Variants in SPTBN4 observed in about 807,000 individuals in gnomAD.
SPTBN4 encodes the protein spectrin beta chain, non-erythrocytic 4.
A neutral mutation model predicts 277.8 loss-of-function variants in SPTBN4; 96 were observed. The observed-to-expected ratio is 0.35, with a 90% confidence interval of 0.29 to 0.41. The LOEUF (loss-of-function observed/expected upper bound fraction) is 0.41, where lower values mean the gene tolerates loss of function less well. SPTBN4 is among the 10% of genes least tolerant of loss of function. The probability of loss-of-function intolerance (pLI) is 1.00; values close to 1 mark genes in which losing one functional copy is unlikely to be tolerated. For synonymous variants in SPTBN4, 1,481 were observed against 1,580.3 expected, an observed-to-expected ratio of 0.94 and a Z score of 1.49; for missense variants, 3,006 against 3,595.7, an observed-to-expected ratio of 0.84 and a Z score of 4.19.
chr19:40,508,979 A>G (rs1448050602), intron 13 of SPTBN4, among the ~76,000 whole-genome samples: 2 of 151,070 alleles, frequency 1.3e-5, no homozygotes, highest in Non-Finnish European at 2.9e-5. Flanking sequence ...CTCAGGCAAG[A>G]TTATGGAGCG....
In SPTBN4 at chr19:40,515,433, A is replaced by G; in HGVS notation, c.2888A>G (p.Asp963Gly). The G allele has an allele frequency of 6.4e-7, 1 of 1,564,580 alleles. No individual in the cohort carries two copies. Among genetic ancestry groups the G allele is most frequent in the Non-Finnish European group, 8.7e-7 (1 of 1,154,272 alleles). ...PSSDEVRSCQDHLNSRWNRIV... is the reference protein window; with the variant it reads ...PSSDEVRSCQGHLNSRWNRIV... Reference sequence around the variant, plus strand: ...TCAGATGAGGTGCGTTCCTGCCAGGACCACCTCAACAGCAGGTAGGAGGGC... The same window carrying G: ...TCAGATGAGGTGCGTTCCTGCCAGGGCCACCTCAACAGCAGGTAGGAGGGC... The change falls in exon 15 of 36, where the codon GAC (aspartate) becomes GGC (glycine). Residue 963 changes from aspartate to glycine, a missense_variant. Coordinates refer to ENST00000598249, the MANE Select transcript of SPTBN4 (RefSeq NM_020971.3). This position sits in a 1 kb window ranked among gnomAD's most constrained non-coding sequence, Gnocchi z 4.1.
rs1200342978 is a variant in SPTBN4 at position 40,512,811 on chromosome 19, T to TGCGGCGGGC, written c.2025_2033dup (p.Ala681_Gly683dup). On this transcript the variant is annotated inframe_insertion, in exon 14 of 36. Coordinates refer to ENST00000598249, the MANE Select transcript of SPTBN4 (RefSeq NM_020971.3). ...TCCTGGAGGCTGCGGGCGGCGGCGGTGCGGCGGGCGCAGCGGGCGCAGCGG... is the reference window on the plus strand; with the variant it reads ...TCCTGGAGGCTGCGGGCGGCGGCGGTGCGGCGGGCGCGGCGGGCGCAGCGGGCGCAGCGG... The TGCGGCGGGC allele has an allele frequency of 3.2e-5, 46 of 1,445,406 alleles. No homozygotes were observed. Among genetic ancestry groups the TGCGGCGGGC allele is most frequent in the East Asian group, 5.7e-5 (2 of 35,336 alleles). 89.5% of individuals were successfully genotyped at this position (1,445,406 alleles called of 1,614,324 possible). A position where few individuals can be genotyped will look rare whatever the true frequency, so the allele number is the denominator to read the frequency against.
chr19:40,503,738 A>G, intron 11 of SPTBN4, 92 bp from the exon 12 acceptor site: 1 of 1,328,482 alleles, frequency 7.5e-7, no homozygotes, highest in Non-Finnish European at 1.0e-6. Context: ...TCTCCAAGGT[A>G]ATGGAGTGGG....
intron 2 of SPTBN4, among the ~76,000 whole-genome samples, chr19:40,485,422 T>C (rs2080060362): frequency 6.6e-6 from 1 of 151,448 alleles, no homozygotes; most frequent in Non-Finnish European, 1.5e-5. Flanking sequence ...ATTACAGGTG[T>C]GAGCCACCAT....
intron 14 of SPTBN4, among the ~76,000 whole-genome samples, chr19:40,514,284 G>C (rs947723617): frequency 6.6e-6 from 1 of 152,230 alleles, no homozygotes; most frequent in African/African-American, 2.4e-5. Context: ...TGTGCCTGCA[G>C]TTGCCCAGTT....
In SPTBN4 at chr19:40,493,062, C is replaced by G. The variant is rs886895957; in HGVS notation, c.587+8C>G. On this transcript the variant is annotated splice_region_variant and intron_variant, in intron 5 of 35. Coordinates refer to ENST00000598249, the MANE Select transcript of SPTBN4 (RefSeq NM_020971.3). ...TCAGATGAAGACAGCTGGGTAAGCA[C>G]CCCCACCACCTTCCTTAGGAGGTTA... The G allele has an allele frequency of 1.2e-6, 2 of 1,613,712 alleles. No homozygotes were observed. The highest frequency in any genetic ancestry group is 1.7e-5 in the Admixed American group (1 of 60,002).
chr19:40,530,829 C>G (rs2080660304), intron 18 of SPTBN4: 1 of 151,762 alleles, frequency 6.6e-6, no homozygotes, highest in Non-Finnish European at 1.5e-5. Context: ...GGGAGCGAAG[C>G]GGGGGGACTT....
chr19:40,522,355 T>A (rs1211553624), intron 16 of SPTBN4, among the ~76,000 whole-genome samples: 1 of 146,136 alleles, frequency 6.8e-6, no homozygotes, highest in Non-Finnish European at 1.5e-5. Flanking sequence ...CCAATTTTTT[T>A]TTTTTTTTTT....
In SPTBN4 at chr19:40,472,705, G is replaced by T; in HGVS notation, c.84G>T (p.Pro28=). 1 of 1,613,040 alleles carries T rather than the reference G, an allele frequency of 6.2e-7. No individual in the cohort carries two copies. Among genetic ancestry groups the T allele is most frequent in the South Asian group, 1.1e-5 (1 of 90,866 alleles). The part of the protein sequence containing the change: ...NNNPAARWES[P]DRGWEREQPA... ...ACCCTGCTGCCCGCTGGGAGAGTCC[G>T]GATCGGGGCTGGGAGCGGGAGCAGC... The change falls in exon 2 of 36, where the codon CCG becomes CCT. Residue 28 remains proline (P), a synonymous_variant. Transcript: ENST00000598249.
At chr19:40,486,855 G>T (rs943487784) in intron 2 of SPTBN4, among the ~76,000 whole-genome samples, 7 of 152,190 alleles carry the variant, frequency 4.6e-5, no homozygotes, top group African/African-American at 1.7e-4. Context: ...CACAGAGTGT[G>T]CATTCGAATA....
At chr19:40,538,218 G>A (rs1476870182) in intron 20 of SPTBN4, among the ~76,000 whole-genome samples, 2 of 151,868 alleles carry the variant, frequency 1.3e-5, no homozygotes, top group Non-Finnish European at 2.9e-5. Flanking sequence ...GCAAAACCCC[G>A]TCTCTACTAA....
chr19:40,560,987 G>A lies in SPTBN4; in HGVS notation c.5915+584G>A, dbSNP rs907086039. 2.0e-5 allele frequency among the ~76,000 whole-genome samples: 3 copies of A among 152,090 alleles called. No homozygotes were observed. The highest frequency in any genetic ancestry group is 7.2e-5 in the African/African-American group (3 of 41,424). Reference sequence around the variant, plus strand: ...GGCACCCACACACTGCCAGCCCGGTGGCCTAACCTGTCTGCCAGGGAGGCT... The same window carrying A: ...GGCACCCACACACTGCCAGCCCGGTAGCCTAACCTGTCTGCCAGGGAGGCT... On this transcript the variant is annotated intron_variant, in intron 27 of 35. Transcript: ENST00000598249. This position sits in a 1 kb window ranked among gnomAD's most constrained non-coding sequence, Gnocchi z 5.2.
At chr19:40,556,864 G>T (rs1469142852) in intron 25 of SPTBN4, among the ~76,000 whole-genome samples, 159 bp from the exon 26 acceptor site, 3 of 152,092 alleles carry the variant, frequency 2.0e-5, no homozygotes. Context: ...GGAGGTGAAG[G>T]TTGCTGTAAG....
chr19:40,565,027 G>C (rs1327259931), intron 27 of SPTBN4, among the ~76,000 whole-genome samples: 2 of 152,046 alleles, frequency 1.3e-5, no homozygotes. Flanking sequence ...CACTTTGGGA[G>C]ACTGAGATGG....
Position 40,504,152 on chromosome 19 carries a change from G to GGGGGT in SPTBN4, c.1665+20_1665+21insGGGGT. On this transcript the variant is annotated intron_variant, in intron 12 of 35. Transcript: ENST00000598249. ...ATGCAGGTGCCGGCGGGGGGGCGGG[G>GGGGGT]ATGCGGGTGGAGTGCCAGGAGGGAG... 10 of 877,180 alleles carry GGGGGT rather than the reference G, an allele frequency of 1.1e-5. No homozygotes were observed. The highest frequency in any genetic ancestry group is 1.8e-5 in the Non-Finnish European group (10 of 566,466). 54.3% of individuals were successfully genotyped at this position (877,180 alleles called of 1,614,324 possible).
chr19:40,546,429 A>G (rs1451507749), intron 20 of SPTBN4, among the ~76,000 whole-genome samples: 1 of 151,986 alleles, frequency 6.6e-6, no homozygotes, highest in Admixed American at 6.6e-5. Flanking sequence ...CATTGAACAA[A>G]TCATAACTGG....
chr19:40,519,423 G>C lies in SPTBN4; in HGVS notation c.2926G>C (p.Val976Leu). Reference sequence around the variant, plus strand: ...CAGGTGGAACCGCATCGTGGAGCTAGTGGAACAGCGCAAAGAGGAAATGAG... The same window carrying C: ...CAGGTGGAACCGCATCGTGGAGCTACTGGAACAGCGCAAAGAGGAAATGAG... ...NSRWNRIVELVEQRKEEMSAV... is the reference protein window; with the variant it reads ...NSRWNRIVELLEQRKEEMSAV... Residue 976 changes from valine to leucine, a missense_variant, in exon 16 of 36, where the codon GTG (valine) becomes CTG (leucine). Val to Leu is a conservative substitution (Grantham distance 32). This residue lies in a region of SPTBN4 where 1,759 missense variants were observed against 2,061.5 expected (regional missense o/e 0.85). Coordinates refer to ENST00000598249, the MANE Select transcript of SPTBN4 (RefSeq NM_020971.3). The surrounding 1 kb of genome is among the most constrained non-coding windows in gnomAD (Gnocchi z 5.7). 6.3e-7 allele frequency: 1 copy of C among 1,587,074 alleles called. No homozygotes were observed. Among genetic ancestry groups the C allele is most frequent in the Non-Finnish European group, 8.6e-7 (1 of 1,168,958 alleles).
chr19:40,485,710 G>A (rs1432998322), intron 2 of SPTBN4, among the ~76,000 whole-genome samples: 1 of 152,030 alleles, frequency 6.6e-6, no homozygotes, highest in African/African-American at 2.4e-5. Context: ...TACTCAGGAG[G>A]TGGGAGGACT....
At chr19:40,572,568 G>T in intron 35 of SPTBN4, 188 bp downstream of exon 35, 1 of 648,268 alleles carries the variant, frequency 1.5e-6, no homozygotes. Flanking sequence ...AGTGGGAAGG[G>T]CTTCAGGGAG....
Sources: allele counts gnomAD v4.1 joint callset (sites outside exome capture counted in the v4.1 genomes callset), GRCh38; gene constraint gnomAD v4.1.1; regional missense constraint gnomAD v4.1.1; non-coding constraint Gnocchi (gnomAD v3.1); transcripts MANE v1.5; gene names NCBI Gene and HGNC (gene_info 2026-07-23, HGNC 2026-07-21).